Variants in CNOT10 observed in about 807,000 individuals in gnomAD.
CNOT10 encodes the protein CCR4-NOT transcription complex, subunit 10.
In CNOT10, 30 loss-of-function variants were observed where a neutral mutation model predicts 94.6. The observed-to-expected ratio is 0.32, with a 90% CI of 0.24 to 0.43. CNOT10 has a LOEUF of 0.43. Among genes scored for constraint, CNOT10 ranks in the 20% least tolerant of loss-of-function variants. CNOT10 has a pLI of 1.00. For missense variants in CNOT10, 759 were observed against 877.2 expected, an observed-to-expected ratio of 0.87 and a Z score of 1.70; for synonymous variants, 289 against 301.6, an observed-to-expected ratio of 0.96 and a Z score of 0.43.
At chr3:32,716,099 T>G (rs1176433551) in intron 5 of CNOT10, 126 bp from the exon 6 acceptor site, 4 of 509,790 alleles carry the variant, frequency 7.8e-6, no homozygotes, top group Non-Finnish European at 1.4e-5. Flanking sequence ...GAACCACCAT[T>G]TCCCACAAAT....
At chr3:32,717,838 C>T (rs1057112928) in intron 7 of CNOT10, among the ~76,000 whole-genome samples, 1 of 152,002 alleles carries the variant, frequency 6.6e-6, no homozygotes, top group African/African-American at 2.4e-5. Flanking sequence ...TTCACGCTAG[C>T]CTGGGCAACA....
At chr3:32,724,569 C>T (rs913274510) in intron 8 of CNOT10, among the ~76,000 whole-genome samples, 1 of 152,086 alleles carries the variant, frequency 6.6e-6, no homozygotes, top group African/African-American at 2.4e-5. Context: ...CCCGCCACCA[C>T]GCCCGGCTAA....
intron 17 of CNOT10, among the ~76,000 whole-genome samples, chr3:32,768,669 C>T (rs184479161): frequency 5.3e-5 from 8 of 152,294 alleles, no homozygotes; most frequent in Non-Finnish European, 1.5e-5. Context: ...TATAAAATCT[C>T]ATTTTCTGAA....
At chr3:32,699,965 AT>A (rs1192687047) in intron 1 of CNOT10, among the ~76,000 whole-genome samples, 1 of 149,836 alleles carries the variant, frequency 6.7e-6, no homozygotes, top group Non-Finnish European at 1.5e-5. Flanking sequence ...AGGAACAAAC[AT>A]ATCAGTTTCT....
At chr3:32,742,394 G>A (rs1228143776) in intron 13 of CNOT10, among the ~76,000 whole-genome samples, 2 of 150,204 alleles carry the variant, frequency 1.3e-5, no homozygotes, top group African/African-American at 2.4e-5. Context: ...CATTGTTGCC[G>A]TTGTTCTGAG....
chr3:32,686,035 C>T (rs1696583695), intron 1 of CNOT10, among the ~76,000 whole-genome samples: 1 of 152,140 alleles, frequency 6.6e-6, no homozygotes. Context: ...GCCTTGGCCT[C>T]TCAAAGTAAA....
At chr3:32,750,713 G>A (rs1361705045) in intron 13 of CNOT10, among the ~76,000 whole-genome samples, 6 of 151,658 alleles carry the variant, frequency 4.0e-5, no homozygotes, top group South Asian at 2.1e-4. Context: ...CACCAGGCCC[G>A]GCTAATTTTT....
intron 13 of CNOT10, among the ~76,000 whole-genome samples, chr3:32,754,489 A>AAAAAAAAAAATAT (rs77878221): frequency 2.8e-5 from 2 of 70,214 alleles, no homozygotes; most frequent in Non-Finnish European, 4.5e-5. Flanking sequence ...AAAAAAAAAA[A>AAAAAAAAAAATAT]ATACATATAT....
chr3:32,767,797 T>C (rs904705256), intron 17 of CNOT10, among the ~76,000 whole-genome samples: 5 of 152,086 alleles, frequency 3.3e-5, no homozygotes, highest in African/African-American at 1.2e-4. Flanking sequence ...GTAACAAGGC[T>C]AGGGTGTTGA....
chr3:32,693,832 A>G (rs1036599809), intron 1 of CNOT10, among the ~76,000 whole-genome samples: 1 of 152,150 alleles, frequency 6.6e-6, no homozygotes, highest in Non-Finnish European at 1.5e-5. Flanking sequence ...GTGAGCCACC[A>G]TGCCCGGCAC....
chr3:32,742,658 AG>A (rs1255852129), intron 13 of CNOT10, among the ~76,000 whole-genome samples: 3 of 152,214 alleles, frequency 2.0e-5, no homozygotes, highest in African/African-American at 7.2e-5. Flanking sequence ...CTGAGATCAT[AG>A]GCGTGAGCCA....
At position 32,721,941 on chromosome 3, in the gene CNOT10, C is replaced by T. The variant is rs1040479646; in HGVS notation, c.862+1710C>T. ...TGCTGGGATTACAGGCGTGAGCCAC[C>T]GTGCCCGGCCTATTACATATTCTTG... On this transcript the variant is annotated intron_variant, in intron 8 of 18. Transcript: ENST00000328834. 9.3e-5 allele frequency among the ~76,000 whole-genome samples: 14 copies of T among 150,864 alleles called. 1 individual carries two copies. Among genetic ancestry groups the T allele is most frequent in the African/African-American group, 1.5e-4 (6 of 41,270 alleles).
intron 13 of CNOT10, among the ~76,000 whole-genome samples, chr3:32,738,689 C>T (rs1699306915): frequency 6.6e-6 from 1 of 151,970 alleles, no homozygotes; most frequent in Non-Finnish European, 1.5e-5. Context: ...GTCTCGATCT[C>T]CTGACGTCGT....
At position 32,759,178 on chromosome 3, in the gene CNOT10, C is replaced by T. The variant is rs139077968; in HGVS notation, c.1596-280C>T. Among the ~76,000 whole-genome samples, 22 of 151,740 alleles carry T rather than the reference C, an allele frequency of 1.4e-4. No homozygotes were observed. In the East Asian group the frequency reaches 3.5e-3, roughly 24 times the overall value. Reference sequence around the variant, plus strand: ...GTATTTATCTATACATATATACATACATACATACATACAGGCTATGTATTG... The same window carrying T: ...GTATTTATCTATACATATATACATATATACATACATACAGGCTATGTATTG... On this transcript the variant is annotated intron_variant, in intron 13 of 18. Coordinates refer to ENST00000328834, the MANE Select transcript of CNOT10 (RefSeq NM_015442.3).
intron 13 of CNOT10, among the ~76,000 whole-genome samples, chr3:32,758,171 T>C (rs1251130217): frequency 6.6e-6 from 1 of 152,182 alleles, no homozygotes; most frequent in Non-Finnish European, 1.5e-5. Context: ...AGCTAAAGAT[T>C]ATGTTTACTC....
At chr3:32,761,425 C>G (rs1559517195) in intron 14 of CNOT10, among the ~76,000 whole-genome samples, 1 of 152,144 alleles carries the variant, frequency 6.6e-6, no homozygotes, top group Non-Finnish European at 1.5e-5. Flanking sequence ...CTGAGTCTGT[C>G]TGGGTCACCC....
chr3:32,771,771 ATAAT>A (rs1700918187), intron 18 of CNOT10, among the ~76,000 whole-genome samples: 1 of 152,220 alleles, frequency 6.6e-6, no homozygotes. Flanking sequence ...ACACTTAATT[ATAAT>A]TAATCACTAT....
intron 10 of CNOT10, among the ~76,000 whole-genome samples, chr3:32,732,021 G>T (rs1424676346): frequency 1.3e-5 from 2 of 152,138 alleles, no homozygotes; most frequent in Non-Finnish European, 2.9e-5. Context: ...GGAGGTTGCA[G>T]TGAGCCGAGA....
At chr3:32,769,995 C>T (rs1367633117) in intron 18 of CNOT10, 33 bp downstream of exon 18, 3 of 1,548,090 alleles carry the variant, frequency 1.9e-6, no homozygotes, top group African/African-American at 1.4e-5. Flanking sequence ...GACTTTATCC[C>T]TTGAAAGAGC....
Sources: gnomAD v4.1 joint callset for allele counts (sites outside exome capture counted in the v4.1 genomes callset) on GRCh38, gnomAD v4.1.1 for gene constraint, MANE v1.5 for transcripts, NCBI Gene and HGNC (gene_info 2026-07-23, HGNC 2026-07-21) for gene names.